Variants in VOPP1 observed in about 807,000 individuals in gnomAD.
VOPP1 encodes WW domain binding protein VOPP1.
In VOPP1, 8 loss-of-function variants were observed where a neutral mutation model predicts 23.5. The observed-to-expected ratio is 0.34, with a 90% CI of 0.20 to 0.61. The LOEUF is 0.61. Ranked by LOEUF, VOPP1 falls within the 20% of genes least tolerant of loss-of-function variation. VOPP1 has a pLI of 0.78. For missense variants in VOPP1, 174 were observed against 238.1 expected, an observed-to-expected ratio of 0.73 and a Z score of 1.77; for synonymous variants, 83 against 97.3, an observed-to-expected ratio of 0.85 and a Z score of 0.86.
chr7:55,491,415 G>C (rs1450850197), intron 4 of VOPP1, among the ~76,000 whole-genome samples: 1 of 152,192 alleles, frequency 6.6e-6, no homozygotes, highest in East Asian at 1.9e-4. Context: ...GCAATCAATA[G>C]ACAGTCCCAT....
At chr7:55,440,605 C>T (rs1460422852) in intron 4 of VOPP1, among the ~76,000 whole-genome samples, 1 of 152,228 alleles carries the variant, frequency 6.6e-6, no homozygotes, top group Non-Finnish European at 1.5e-5. Context: ...ACACTTGCTT[C>T]CTCTGCTTTT....
chr7:55,542,650 G>A (rs568108560), intron 1 of VOPP1, among the ~76,000 whole-genome samples: 45 of 152,210 alleles, frequency 3.0e-4, no homozygotes, highest in African/African-American at 9.4e-4. Context: ...TTAGCCGGTC[G>A]TGGTGGTGCA....
chr7:55,513,784 A>G (rs2129036594), intron 2 of VOPP1, among the ~76,000 whole-genome samples: 1 of 152,316 alleles, frequency 6.6e-6, no homozygotes, highest in East Asian at 1.9e-4. Flanking sequence ...CCAGCTCTTC[A>G]AAGGGCCACA....
intron 3 of VOPP1, 55 bp downstream of exon 3, chr7:55,497,558 G>GC: frequency 4.0e-6 from 1 of 248,594 alleles, no homozygotes; most frequent in Non-Finnish European, 5.5e-6. Context: ...CACTGATGGG[G>GC]GGGGGGGGGG....
intron 1 of VOPP1, among the ~76,000 whole-genome samples, chr7:55,544,451 T>C (rs1489940846): frequency 1.3e-5 from 2 of 152,214 alleles, no homozygotes; most frequent in African/African-American, 2.4e-5. Flanking sequence ...CGGGGAACGC[T>C]GTTAGTCACA....
intron 2 of VOPP1, among the ~76,000 whole-genome samples, chr7:55,510,038 T>G (rs1484528781): frequency 6.6e-6 from 1 of 152,174 alleles, no homozygotes; most frequent in Non-Finnish European, 1.5e-5. Context: ...GGCTGCTATT[T>G]CTTGTGGCCC....
intron 1 of VOPP1, among the ~76,000 whole-genome samples, chr7:55,555,530 T>C (rs1335177323): frequency 6.6e-6 from 1 of 152,240 alleles, no homozygotes; most frequent in East Asian, 1.9e-4. Context: ...ACTAGGACAC[T>C]GCCCAGCACC....
At chr7:55,497,831 G>C in intron 2 of VOPP1, 141 bp from the exon 3 acceptor site, 1 of 697,402 alleles carries the variant, frequency 1.4e-6, no homozygotes, top group Non-Finnish European at 2.5e-6. Context: ...TGCCTCCACT[G>C]CATTTCACAG....
At chr7:55,493,937 G>A (rs1793761399) in intron 3 of VOPP1, among the ~76,000 whole-genome samples, 1 of 152,154 alleles carries the variant, frequency 6.6e-6, no homozygotes, top group African/African-American at 2.4e-5. Flanking sequence ...GCAAGACTGG[G>A]AACACTGCAT....
At chr7:55,562,182 C>T (rs189727406) in intron 1 of VOPP1, 84 of 675,762 alleles carry the variant, frequency 1.2e-4, no homozygotes, top group East Asian at 9.0e-4. Context: ...TTTCCAAGGG[C>T]GCTCCTCCAT....
At chr7:55,440,439 G>A (rs1562876589) in intron 4 of VOPP1, among the ~76,000 whole-genome samples, 1 of 152,188 alleles carries the variant, frequency 6.6e-6, no homozygotes, top group African/African-American at 2.4e-5. Context: ...GGCATCTGGG[G>A]GCTGACTGAT....
chr7:55,445,268 TACAC>T (rs61302654), intron 4 of VOPP1, among the ~76,000 whole-genome samples: 43,243 of 126,096 alleles, frequency 0.34, 7,003 homozygotes, highest in East Asian at 0.58. Context: ...CACACAGACA[TACAC>T]ACACAGACAC....
At chr7:55,443,627 T>C (rs988900485) in intron 4 of VOPP1, among the ~76,000 whole-genome samples, 3 of 148,356 alleles carry the variant, frequency 2.0e-5, no homozygotes, top group African/African-American at 7.4e-5. Context: ...TGTAAAGATA[T>C]GAAGGAATTA....
intron 2 of VOPP1, among the ~76,000 whole-genome samples, chr7:55,500,832 G>T (rs1583935085): frequency 6.6e-6 from 1 of 152,240 alleles, no homozygotes; most frequent in African/African-American, 2.4e-5. Flanking sequence ...ACTGTCTGCA[G>T]AAGCGAAGAG....
chr7:55,552,766 C>A, intron 1 of VOPP1: 1 of 1,529,574 alleles, frequency 6.5e-7, no homozygotes. Flanking sequence ...CGCAGAGAGG[C>A]AGCAAGTGGA....
At chr7:55,571,601 G>GC (rs1798356886) in intron 1 of VOPP1, 4 of 152,274 alleles carry the variant, frequency 2.6e-5, no homozygotes, top group African/African-American at 9.6e-5. Context: ...CCCCGCCAGG[G>GC]ATGCGGTCAC....
chr7:55,540,491 T>C (rs1797082394), intron 1 of VOPP1, among the ~76,000 whole-genome samples: 1 of 152,196 alleles, frequency 6.6e-6, no homozygotes, highest in South Asian at 2.1e-4. Context: ...TGCCCCAGAC[T>C]GTCTGCTGAG....
chr7:55,553,238 T>A (rs1797684737), intron 1 of VOPP1, among the ~76,000 whole-genome samples: 1 of 152,236 alleles, frequency 6.6e-6, no homozygotes, highest in Admixed American at 6.5e-5. Context: ...ATACAGGCTA[T>A]TTTTATATTT....
At position 55,472,922 on chromosome 7, in the gene VOPP1, C is replaced by T. The variant is rs1474364059; in HGVS notation, c.452G>A (p.Cys151Tyr). The T allele has an allele frequency of 6.5e-7, 1 of 1,545,308 alleles. No individual in the cohort carries two copies. Among genetic ancestry groups the T allele is most frequent in the South Asian group, 1.2e-5 (1 of 81,332 alleles). The change falls in exon 5 of 5, where the codon TGC (cysteine) becomes TAC (tyrosine). Residue 151 changes from cysteine (C) to tyrosine (Y), a missense_variant. Cys to Tyr is a radical substitution (Grantham distance 194, BLOSUM62 -2). Transcript: ENST00000285279. The stretch of plus-strand genomic sequence containing the variant: ...GTTGCAGTAGGCTGGAGGGGGCGGG[C>T]AGGCCACACTCCCCTGGGGTGAGTT... ...PPNSPQGSVA[C>Y]PPPPAYCNTP...
Sources: allele counts gnomAD v4.1 joint callset (sites outside exome capture counted in the v4.1 genomes callset), GRCh38; gene constraint gnomAD v4.1.1; transcripts MANE v1.5; gene names NCBI Gene and HGNC (gene_info 2026-07-23, HGNC 2026-07-21).